The following PJA2 variants were observed in gnomAD, a reference collection of about 807,000 sequenced individuals.
PJA2 encodes E3 ubiquitin-protein ligase Praja-2.
A neutral mutation model predicts 69.3 loss-of-function variants in PJA2; 25 were observed. That is an observed-to-expected ratio of 0.36 (90% CI 0.26 to 0.50). The LOEUF (loss-of-function observed/expected upper bound fraction) is 0.50, where lower values mean the gene tolerates loss of function less well. PJA2 is among the 20% of genes least tolerant of loss of function. PJA2 has a pLI of 0.96. For synonymous variants in PJA2, 308 were observed against 277.8 expected (o/e 1.11, Z -1.08); for missense variants, 809 against 830.2 (o/e 0.97, Z 0.31).
intron 1 of PJA2, among the ~76,000 whole-genome samples, chr5:109,387,096 T>G (rs1265402308): frequency 2.0e-5 from 3 of 152,198 alleles, no homozygotes; most frequent in African/African-American, 7.2e-5. Flanking sequence ...CTCTACAGAC[T>G]GGGAGATTTC....
intron 4 of PJA2, among the ~76,000 whole-genome samples, chr5:109,369,222 T>A (rs1762632652): frequency 1.3e-5 from 2 of 152,150 alleles, no homozygotes; most frequent in African/African-American, 4.8e-5. Context: ...AATGCAAGGA[T>A]GAACTAATAC....
intron 2 of PJA2, among the ~76,000 whole-genome samples, chr5:109,382,623 G>A (rs563878408): frequency 1.3e-5 from 2 of 152,230 alleles, no homozygotes; most frequent in Admixed American, 6.5e-5. Context: ...TGAGGCAGTC[G>A]GATCACTTGA....
intron 7 of PJA2, among the ~76,000 whole-genome samples, chr5:109,354,958 A>T (rs1318057052): frequency 1.3e-5 from 2 of 151,100 alleles, no homozygotes; most frequent in Non-Finnish European, 2.9e-5. Flanking sequence ...CTACCAAAAA[A>T]CCCCACAAAA....
chr5:109,403,764 TAAA>T (rs35384937), intron 1 of PJA2, among the ~76,000 whole-genome samples: 7 of 138,174 alleles, frequency 5.1e-5, no homozygotes, highest in Non-Finnish European at 6.3e-5. Context: ...ACTCATGATT[TAAA>T]AAAAAAAAAA....
rs781378090 is a variant in PJA2, at chr5:109,379,169, A to T, written c.318T>A (p.Gly106=). Reference sequence around the variant, plus strand: ...TCTCAGTGGTTTGATTCAATGCTGAACCACAAGTGGGAATTTCTGTTTCAC... The same window carrying T: ...TCTCAGTGGTTTGATTCAATGCTGATCCACAAGTGGGAATTTCTGTTTCAC... The part of the protein sequence containing the change: ...EKSETEIPTC[G]SALNQTTESS... Residue 106 remains glycine, a synonymous_variant, in exon 4 of 10, where the codon GGT becomes GGA. Coordinates refer to ENST00000361189, the MANE Select transcript of PJA2 (RefSeq NM_014819.5). 6.2e-7 allele frequency: 1 copy of T among 1,614,124 alleles called. No individual in the cohort carries two copies. The highest frequency in any genetic ancestry group is 1.7e-5 in the Admixed American group (1 of 60,020).
At chr5:109,359,496 CCAT>C (rs1762476241) in intron 6 of PJA2, among the ~76,000 whole-genome samples, 1 of 152,146 alleles carries the variant, frequency 6.6e-6, no homozygotes, top group Non-Finnish European at 1.5e-5. Flanking sequence ...TGGTTTGACA[CCAT>C]GTGTTTTCTG....
At position 109,370,792 on chromosome 5, in the gene PJA2, A is replaced by T. The variant is rs190355620; in HGVS notation, c.1284-2046T>A. Reference sequence around the variant, plus strand: ...TAATGTCTTTAACAATTAGGGTAAGATTTCTATATAAATTTGTGGCAATTC... The same window carrying T: ...TAATGTCTTTAACAATTAGGGTAAGTTTTCTATATAAATTTGTGGCAATTC... On this transcript the variant is annotated intron_variant, in intron 4 of 9. Transcript: ENST00000361189. Among the ~76,000 whole-genome samples the T allele has an allele frequency of 2.0e-5, 3 of 152,312 alleles. No individual in the cohort carries two copies. The East Asian group carries it at 5.8e-4, about 29-fold the overall frequency.
intron 2 of PJA2, among the ~76,000 whole-genome samples, chr5:109,383,163 T>C (rs1213953708): frequency 6.6e-6 from 1 of 152,094 alleles, no homozygotes; most frequent in Non-Finnish European, 1.5e-5. Context: ...AAAAGAATAG[T>C]CTCCGAAGTG....
intron 7 of PJA2, among the ~76,000 whole-genome samples, chr5:109,354,081 T>G: frequency 7.9e-6 from 1 of 125,956 alleles, no homozygotes; most frequent in Non-Finnish European, 1.7e-5. Context: ...ATCTATAGAT[T>G]AGATATCTAT....
chr5:109,343,989 T>C (rs1393689906), intron 9 of PJA2, among the ~76,000 whole-genome samples: 3 of 149,374 alleles, frequency 2.0e-5, no homozygotes, highest in Non-Finnish European at 4.4e-5. Flanking sequence ...CCCAGCTACT[T>C]GGGAGGCTGA....
At chr5:109,400,760 A>G (rs563692736) in intron 1 of PJA2, among the ~76,000 whole-genome samples, 1 of 152,062 alleles carries the variant, frequency 6.6e-6, no homozygotes, top group African/African-American at 2.4e-5. Flanking sequence ...CAGGTGGATC[A>G]CGAGGTCAGG....
At chr5:109,342,771 C>T (rs1411004447) in intron 9 of PJA2, among the ~76,000 whole-genome samples, 1 of 123,134 alleles carries the variant, frequency 8.1e-6, no homozygotes, top group African/African-American at 3.4e-5. Context: ...GCCCGGCCGC[C>T]CCTACTGGGA....
chr5:109,365,847 C>T (rs578114258), intron 5 of PJA2, among the ~76,000 whole-genome samples: 2 of 152,118 alleles, frequency 1.3e-5, no homozygotes, highest in East Asian at 3.9e-4. Flanking sequence ...GTATATTTAG[C>T]CTAAAGATAG....
At chr5:109,361,317 G>A (rs1413849036) in intron 6 of PJA2, among the ~76,000 whole-genome samples, 2 of 152,132 alleles carry the variant, frequency 1.3e-5, no homozygotes, top group Non-Finnish European at 2.9e-5. Context: ...TTTTATGGAG[G>A]ATGGGGAAGA....
chr5:109,344,124 A>G, intron 9 of PJA2, 66 bp downstream of exon 9: 2 of 847,826 alleles, frequency 2.4e-6, no homozygotes, highest in South Asian at 2.5e-5. Context: ...AAAAAAAGAT[A>G]CTATTATTCA....
intron 1 of PJA2, among the ~76,000 whole-genome samples, chr5:109,390,246 T>C (rs1178860206): frequency 6.6e-6 from 1 of 152,072 alleles, no homozygotes; most frequent in African/African-American, 2.4e-5. Flanking sequence ...TTTTAGCTTC[T>C]GTCTTACATA....
At chr5:109,376,266 A>G (rs1375107058) in intron 4 of PJA2, among the ~76,000 whole-genome samples, 1 of 151,728 alleles carries the variant, frequency 6.6e-6, no homozygotes, top group Admixed American at 6.6e-5. Context: ...TAAAAAAAAA[A>G]AAAAAAAACT....
At position 109,382,722 on chromosome 5, in the gene PJA2, C is replaced by A. The variant is rs531998499; in HGVS notation, c.31+681G>T. Among the ~76,000 whole-genome samples the A allele has an allele frequency of 9.9e-5, 15 of 152,168 alleles. 1 individual carries two copies. In the South Asian group the frequency reaches 2.9e-3, roughly 29 times the overall value. On this transcript the variant is annotated intron_variant, in intron 2 of 9. Transcript: ENST00000361189. ...AATTAGCCAGACGTGGTGGCACATG[C>A]CCATAATTCCAGCTACTCAGGAAGC...
chr5:109,352,365 T>C (rs1430912233), intron 7 of PJA2, among the ~76,000 whole-genome samples: 1 of 152,138 alleles, frequency 6.6e-6, no homozygotes, highest in East Asian at 1.9e-4. Flanking sequence ...CATAAACCAC[T>C]AGCATAAAAT....
Sources: allele counts gnomAD v4.1 joint callset (sites outside exome capture counted in the v4.1 genomes callset), GRCh38; gene constraint gnomAD v4.1.1; transcripts MANE v1.5; gene names NCBI Gene and HGNC (gene_info 2026-07-23, HGNC 2026-07-21).